The following CXCR3 variants were observed in gnomAD, a reference collection of about 807,000 sequenced individuals.
CXCR3 encodes the protein C-X-C chemokine receptor type 3.
For missense variants in CXCR3, 239 were observed against 310.2 expected (o/e 0.77, Z 1.72); for synonymous variants, 136 against 148.0 (o/e 0.92, Z 0.59).
At chrX:71,618,274 G>C in intron 1 of CXCR3, 164 bp downstream of exon 1, 1 of 482,793 alleles carries the variant, frequency 2.1e-6, no homozygotes, top group Non-Finnish European at 2.5e-6. Context: ...GCCAAGCTGG[G>C]TTCCCAATTC....
chrX:71,616,970 C>T lies in CXCR3; in HGVS notation c.502G>A (p.Val168Met), dbSNP rs1349979497. Reference protein sequence around the residue: ...QLYRRGPPARVTLTCLAVWGL... With the variant: ...QLYRRGPPARMTLTCLAVWGL... ...CAGACAGCCAGGCAGGTGAGGGTCA[C>T]GCGGGCCGGGGGCCCCCGGCGGTAG... Residue 168 changes from valine (V) to methionine (M), a missense_variant, in exon 2 of 2, where the codon GTG (valine) becomes ATG (methionine). By Grantham distance (21) the Val-to-Met change is conservative (BLOSUM62 1). Coordinates refer to ENST00000373693, the MANE Select transcript of CXCR3 (RefSeq NM_001504.2). 3 of 1,207,857 alleles carry T rather than the reference C, an allele frequency of 2.5e-6. No homozygotes were observed. The highest frequency in any genetic ancestry group is 1.1e-6 in the Non-Finnish European group (1 of 893,546).
intron 1 of CXCR3, chrX:71,617,755 T>C: frequency 2.0e-6 from 2 of 1,022,843 alleles, no homozygotes; most frequent in Non-Finnish European, 2.6e-6. Context: ...CTCTGCCCAC[T>C]GTCCTCTCTC....
In CXCR3 at chrX:71,617,367, G is replaced by A. The variant is rs780217014; in HGVS notation, c.105C>T (p.Asp35=). ...SSYDYGENES[D]SCCTSPPCPQ... ...GGCAGGGCGGGGAGGTACAGCACGAGTCACTCTCGTTTTCTCCATAGTCAT... is the reference window on the plus strand; with the variant it reads ...GGCAGGGCGGGGAGGTACAGCACGAATCACTCTCGTTTTCTCCATAGTCAT... Residue 35 remains aspartate, a synonymous_variant, in exon 2 of 2, where the codon GAC becomes GAT. Coordinates refer to ENST00000373693, the MANE Select transcript of CXCR3 (RefSeq NM_001504.2). 8.3e-7 allele frequency: 1 copy of A among 1,209,876 alleles called. No individual in the cohort carries two copies. The highest frequency in any genetic ancestry group is 3.0e-5 in the East Asian group (1 of 33,714).
At position 71,617,474 on chromosome X, in the gene CXCR3, A is replaced by G; in HGVS notation, c.13-15T>C. The G allele has an allele frequency of 5.0e-6, 6 of 1,210,212 alleles. No individual in the cohort carries two copies. The highest frequency in any genetic ancestry group is 6.7e-6 in the Non-Finnish European group (6 of 894,791). Reference sequence around the variant, plus strand: ...TGGTCACTCACCTGTGAGGGCGGGAACGGGGAGGAAGGGGCTGTGTAAAGG... The same window carrying G: ...TGGTCACTCACCTGTGAGGGCGGGAGCGGGGAGGAAGGGGCTGTGTAAAGG... On this transcript the variant is annotated splice_polypyrimidine_tract_variant and intron_variant, in intron 1 of 1. Transcript: ENST00000373693.
rs1409781836 is a variant in CXCR3, at chrX:71,617,033, A to G, written c.439T>C (p.Phe147Leu). 8.3e-7 allele frequency: 1 copy of G among 1,207,671 alleles called. No individual in the cohort carries two copies. The highest frequency in any genetic ancestry group is 2.2e-5 in the Admixed American group (1 of 45,781). Residue 147 changes from phenylalanine to leucine, a missense_variant, in exon 2 of 2, where the codon TTT becomes CTT. Transcript: ENST00000373693. The part of the protein sequence containing the change: ...AGALLLACIS[F>L]DRYLNIVHAT... Reference sequence around the variant, plus strand: ...TGAACTATGTTCAGGTAGCGGTCAAAGCTGATGCAGGCCAGCAGGAGGGCT... The same window carrying G: ...TGAACTATGTTCAGGTAGCGGTCAAGGCTGATGCAGGCCAGCAGGAGGGCT...
rs757392395 is a variant in CXCR3 at position 71,616,810 on chromosome X, A to G, written c.662T>C (p.Val221Ala). 15 of 1,208,308 alleles carry G rather than the reference A, an allele frequency of 1.2e-5. No individual in the cohort carries two copies. The South Asian group carries it at 1.8e-4, about 14-fold the overall frequency. ...GRTALRVLQL[V>A]AGFLLPLLVM... ...CAGCAGGGGCAGCAGAAAGCCAGCC[A>G]CCAGCTGCAGCACCCGCAGAGCCGT... is the stretch of plus-strand genomic sequence containing the variant. Residue 221 changes from valine to alanine, a missense_variant, in exon 2 of 2, where the codon GTG becomes GCG. Coordinates refer to ENST00000373693, the MANE Select transcript of CXCR3 (RefSeq NM_001504.2).
chrX:71,617,729 C>T, intron 1 of CXCR3: 1 of 1,081,658 alleles, frequency 9.2e-7, no homozygotes. Flanking sequence ...AGCGTCCCTC[C>T]AGTGCCCAGA....
In CXCR3 at chrX:71,616,550, A is replaced by G; in HGVS notation, c.922T>C (p.Tyr308His). The change falls in exon 2 of 2, where the codon TAC becomes CAC. Residue 308 changes from tyrosine to histidine, a missense_variant. Physicochemically the swap from Tyr to His is moderately conservative, Grantham distance 83 (BLOSUM62 2). Transcript: ENST00000373693. ...VAKSVTSGLGYMHCCLNPLLY... is the reference protein window; with the variant it reads ...VAKSVTSGLGHMHCCLNPLLY... ...AGCGGGTTGAGGCAGCAGTGCATGT[A>G]GCCCAGGCCTGAGGTGACCGACTTG... 1 of 1,210,863 alleles carries G rather than the reference A, an allele frequency of 8.3e-7. No homozygotes were observed. The highest frequency in any genetic ancestry group is 1.1e-6 in the Non-Finnish European group (1 of 894,799).
At position 71,616,268 on chromosome X, in the gene CXCR3, G is replaced by A. The variant is rs1008601986; in HGVS notation, c.*97C>T. On this transcript the variant is annotated 3_prime_UTR_variant, in exon 2 of 2. Coordinates refer to ENST00000373693, the MANE Select transcript of CXCR3 (RefSeq NM_001504.2). Reference sequence around the variant, plus strand: ...GGGGCTGCCAGTGAGTCCCGGGAGCGAGGATATTGGGGAGAGCCAGAGCCG... The same window carrying A: ...GGGGCTGCCAGTGAGTCCCGGGAGCAAGGATATTGGGGAGAGCCAGAGCCG... 13 of 1,067,103 alleles carry A rather than the reference G, an allele frequency of 1.2e-5. No individual in the cohort carries two copies. The highest frequency in any genetic ancestry group is 5.7e-5 in the African/African-American group (3 of 52,487). 87.9% of individuals were successfully genotyped at this position (1,067,103 alleles called of 1,213,427 possible).
intron 1 of CXCR3, 187 bp from the exon 2 acceptor site, chrX:71,617,646 C>T: frequency 9.0e-7 from 1 of 1,108,727 alleles, no homozygotes; most frequent in Admixed American, 3.5e-5. Context: ...AGTGACTTCC[C>T]TTCTCAAAGG....
Position 71,616,882 on chromosome X carries a change from C to A in CXCR3, c.590G>T (p.Arg197Leu). ...GTATTGGCAGTGGGTGGCGTTGAGGCGCTCGTCGTGGTGGGCCGACAGGAA... is the reference window on the plus strand; with the variant it reads ...GTATTGGCAGTGGGTGGCGTTGAGGAGCTCGTCGTGGTGGGCCGACAGGAA... ...FIFLSAHHDE[R>L]LNATHCQYNF... The change falls in exon 2 of 2, where the codon CGC (arginine) becomes CTC (leucine). Residue 197 changes from arginine (R) to leucine (L), a missense_variant. By Grantham distance (102) the Arg-to-Leu change is moderately radical (BLOSUM62 -2). Transcript: ENST00000373693. 8.3e-7 allele frequency: 1 copy of A among 1,207,407 alleles called. No individual in the cohort carries two copies. Among genetic ancestry groups the A allele is most frequent in the Non-Finnish European group, 1.1e-6 (1 of 892,800 alleles).
intron 1 of CXCR3, 90 bp from the exon 2 acceptor site, chrX:71,617,549 T>C (rs2040862037): frequency 8.6e-7 from 1 of 1,158,335 alleles, no homozygotes; most frequent in Non-Finnish European, 1.2e-6. Flanking sequence ...TGTGATTTAC[T>C]CTGAGCAGCT....
chrX:71,616,096 A>C lies in CXCR3; in HGVS notation c.*269T>G. On this transcript the variant is annotated 3_prime_UTR_variant, in exon 2 of 2. Coordinates refer to ENST00000373693, the MANE Select transcript of CXCR3 (RefSeq NM_001504.2). ...GCCTTGTACTCCCCGCACTTGGGGA[A>C]GATGAAGTTTTAGTTTCCAAATGAG... The C allele has an allele frequency of 2.9e-6, 1 of 340,956 alleles. No individual in the cohort carries two copies. Among genetic ancestry groups the C allele is most frequent in the Non-Finnish European group, 5.0e-6 (1 of 198,339 alleles). 28.1% of individuals were successfully genotyped at this position (340,956 alleles called of 1,213,427 possible). A position where few individuals can be genotyped will look rare whatever the true frequency, so the allele number is the denominator to read the frequency against.
At position 71,617,113 on chromosome X, in the gene CXCR3, C is replaced by A. The variant is rs1195477568; in HGVS notation, c.359G>T (p.Gly120Val). The change falls in exon 2 of 2, where the codon GGC becomes GTC. Residue 120 changes from glycine to valine, a missense_variant. Transcript: ENST00000373693. ...AVDAAVQWVF[G>V]SGLCKVAGAL... is the part of the protein sequence containing the mutation. ...ACCTGCCACTTTGCAGAGGCCAGAG[C>A]CAAAGACCCACTGGACGGCAGCGTC... The A allele has an allele frequency of 8.3e-7, 1 of 1,201,719 alleles. No homozygotes were observed. Among genetic ancestry groups the A allele is most frequent in the African/African-American group, 1.7e-5 (1 of 57,180 alleles).
Position 71,616,299 on chromosome X carries a change from G to C in CXCR3, c.*66C>G. 1 of 1,121,755 alleles carries C rather than the reference G, an allele frequency of 8.9e-7. No individual in the cohort carries two copies. The highest frequency in any genetic ancestry group is 1.2e-6 in the Non-Finnish European group (1 of 849,161). 92.4% of individuals were successfully genotyped at this position (1,121,755 alleles called of 1,213,427 possible). On this transcript the variant is annotated 3_prime_UTR_variant, in exon 2 of 2. Coordinates refer to ENST00000373693, the MANE Select transcript of CXCR3 (RefSeq NM_001504.2). Reference sequence around the variant, plus strand: ...ATTGGGGAGAGCCAGAGCCGGCAGAGGGAGGGAGGAGCCTGGAATGCGGGG... The same window carrying C: ...ATTGGGGAGAGCCAGAGCCGGCAGACGGAGGGAGGAGCCTGGAATGCGGGG...
At position 71,616,818 on chromosome X, in the gene CXCR3, C is replaced by T. The variant is rs2040852539; in HGVS notation, c.654G>A (p.Leu218=). The change falls in exon 2 of 2, where the codon CTG becomes CTA. Residue 218 remains leucine, a synonymous_variant. Coordinates refer to ENST00000373693, the MANE Select transcript of CXCR3 (RefSeq NM_001504.2). ...GCAGCAGAAAGCCAGCCACCAGCTGCAGCACCCGCAGAGCCGTGCGGCCCA... is the reference window on the plus strand; with the variant it reads ...GCAGCAGAAAGCCAGCCACCAGCTGTAGCACCCGCAGAGCCGTGCGGCCCA... ...PQVGRTALRV[L]QLVAGFLLPL... The T allele has an allele frequency of 4.1e-6, 5 of 1,207,285 alleles. No homozygotes were observed. Among genetic ancestry groups the T allele is most frequent in the Admixed American group, 2.2e-5 (1 of 45,427 alleles).
chrX:71,616,368 C>T lies in CXCR3; in HGVS notation c.1104G>A (p.Leu368=). 1 of 1,180,618 alleles carries T rather than the reference C, an allele frequency of 8.5e-7. No individual in the cohort carries two copies. The highest frequency in any genetic ancestry group is 1.1e-6 in the Non-Finnish European group (1 of 877,454). ...SETSEASYSG[L] ...AAGGGGAGCCCGGATTCCGGCCTCA[C>T]AAGCCCGAGTAGGAGGCCTCTGAGG... is the stretch of plus-strand genomic sequence containing the variant. The change falls in exon 2 of 2, where the codon TTG becomes TTA. Residue 368 remains leucine (L), a synonymous_variant. Coordinates refer to ENST00000373693, the MANE Select transcript of CXCR3 (RefSeq NM_001504.2).
rs188959001 is a variant in CXCR3 at position 71,617,540 on chromosome X, G to A, written c.13-81C>T. ...TTTGTGATTGAGTCTGATTTAGTCT[G>A]TGATTTACTCTGAGCAGCTCCTCCT... is the stretch of plus-strand genomic sequence containing the variant. On this transcript the variant is annotated intron_variant, in intron 1 of 1. Coordinates refer to ENST00000373693, the MANE Select transcript of CXCR3 (RefSeq NM_001504.2). 1.1e-3 allele frequency: 1,252 copies of A among 1,169,037 alleles called. 6 individuals are homozygous for A. Among genetic ancestry groups the A allele is most frequent in the Non-Finnish European group, 1.1e-3 (923 of 874,278 alleles).
chrX:71,616,183 G>A lies in CXCR3; in HGVS notation c.*182C>T. The A allele has an allele frequency of 8.6e-6, 5 of 584,692 alleles. No homozygotes were observed. Among genetic ancestry groups the A allele is most frequent in the Non-Finnish European group, 1.2e-5 (5 of 401,092 alleles). 48.2% of individuals were successfully genotyped at this position (584,692 alleles called of 1,213,427 possible). ...CAGGATGGGGCTTGGCAGCTAAGGA[G>A]CAGCAATGGTGCAGTCCTCAGAGCT... On this transcript the variant is annotated 3_prime_UTR_variant, in exon 2 of 2. Coordinates refer to ENST00000373693, the MANE Select transcript of CXCR3 (RefSeq NM_001504.2).
Sources: gnomAD v4.1 joint callset for allele counts on GRCh38, gnomAD v4.1.1 for gene constraint, MANE v1.5 for transcripts, NCBI Gene and HGNC (gene_info 2026-07-23, HGNC 2026-07-21) for gene names.